Variants in NDST3 observed in about 807,000 individuals in gnomAD.
NDST3 encodes the protein bifunctional heparan sulfate N-deacetylase/N-sulfotransferase 3.
Under a neutral mutation model 96.1 loss-of-function variants are expected in NDST3, and 58 were observed. The observed-to-expected ratio is 0.60, with a 90% confidence interval of 0.49 to 0.75. The LOEUF (loss-of-function observed/expected upper bound fraction) is 0.75. NDST3 is among the 30% of genes least tolerant of loss of function. NDST3 has a pLI of 0.00. For missense variants in NDST3, 788 were observed against 1,034.2 expected (o/e 0.76, Z 3.27); for synonymous variants, 333 against 359.7 (o/e 0.93, Z 0.84).
At chr4:118,071,222 C>T (rs531532732) in intron 2 of NDST3, among the ~76,000 whole-genome samples, 5 of 152,086 alleles carry the variant, frequency 3.3e-5, no homozygotes, top group South Asian at 2.1e-4. Context: ...GATTTATAAT[C>T]GTTGACCTCA....
intron 6 of NDST3, among the ~76,000 whole-genome samples, chr4:118,161,863 C>A (rs558108302): frequency 2.0e-5 from 3 of 152,182 alleles, no homozygotes; most frequent in African/African-American, 7.2e-5. Context: ...TGCTCACACA[C>A]GGTGCACTGC....
At chr4:118,220,157 G>A (rs752673433) in intron 6 of NDST3, among the ~76,000 whole-genome samples, 2 of 151,984 alleles carry the variant, frequency 1.3e-5, no homozygotes, top group Admixed American at 6.6e-5. Flanking sequence ...AAATGAACAC[G>A]TATGTTTACT....
chr4:118,194,686 T>A (rs1242710058), intron 6 of NDST3: 3 of 618,702 alleles, frequency 4.8e-6, no homozygotes, highest in Non-Finnish European at 9.0e-6. Flanking sequence ...GAATGTCCAC[T>A]CCCTCCATGG....
chr4:118,214,168 C>T (rs1398286506), intron 6 of NDST3, among the ~76,000 whole-genome samples: 2 of 152,008 alleles, frequency 1.3e-5, no homozygotes, highest in Non-Finnish European at 2.9e-5. Flanking sequence ...AAACATCTAC[C>T]AATGTATGCT....
intron 6 of NDST3, chr4:118,193,925 T>A (rs935677786): frequency 8.3e-6 from 8 of 962,626 alleles, no homozygotes; most frequent in Non-Finnish European, 1.2e-5. Context: ...AGCTTGCTTG[T>A]ATTTGCCTTC....
chr4:118,040,627 TAGC>T, intron 1 of NDST3, among the ~76,000 whole-genome samples: 1 of 151,964 alleles, frequency 6.6e-6, no homozygotes, highest in African/African-American at 2.4e-5. Flanking sequence ...ATCATCATCA[TAGC>T]AGATAAATTT....
At chr4:118,169,286 GAAGA>G (rs1735767030) in intron 6 of NDST3, among the ~76,000 whole-genome samples, 1 of 152,054 alleles carries the variant, frequency 6.6e-6, no homozygotes, top group African/African-American at 2.4e-5. Flanking sequence ...TTAAAAATAG[GAAGA>G]AAGAGGATTA....
Position 118,242,134 on chromosome 4 carries a change from A to G in NDST3, c.2384A>G (p.Tyr795Cys). 6.3e-7 allele frequency: 1 copy of G among 1,593,886 alleles called. No homozygotes were observed. The highest frequency in any genetic ancestry group is 8.6e-7 in the Non-Finnish European group (1 of 1,163,458). The change falls in exon 12 of 14, where the codon TAC becomes TGC. Residue 795 changes from tyrosine to cysteine, a missense_variant. Around this residue, in one of 3 missense-constraint regions of NDST3, gnomAD observed 490 missense variants for 708.8 expected, o/e 0.69. Transcript: ENST00000296499. ...CTAGGAGTCTTGCCTCATTATAATT[A>G]CTCAGAAGCTTTAACGTAAGTTTAT... ...KFLGVLPHYN[Y>C]SEALTFDSHK...
intron 2 of NDST3, among the ~76,000 whole-genome samples, chr4:118,099,561 A>C (rs1179631727): frequency 1.3e-5 from 2 of 152,076 alleles, no homozygotes; most frequent in African/African-American, 2.4e-5. Flanking sequence ...TAGATAATGC[A>C]GTGCTATGTC....
At chr4:118,051,734 T>C (rs746158979) in intron 1 of NDST3, among the ~76,000 whole-genome samples, 1 of 151,982 alleles carries the variant, frequency 6.6e-6, no homozygotes, top group East Asian at 1.9e-4. Flanking sequence ...CCTGCCAAAA[T>C]AGTCTCTTTA....
intron 6 of NDST3, among the ~76,000 whole-genome samples, chr4:118,163,007 C>T (rs1454407162): frequency 3.3e-5 from 5 of 150,820 alleles, no homozygotes; most frequent in Non-Finnish European, 5.9e-5. Context: ...AAAATGCTCA[C>T]CATCACTGGC....
At chr4:118,143,011 C>T (rs1208043095) in intron 5 of NDST3, among the ~76,000 whole-genome samples, 2 of 152,098 alleles carry the variant, frequency 1.3e-5, no homozygotes, top group African/African-American at 2.4e-5. Flanking sequence ...ATTACTATAG[C>T]CTGCAGTAGT....
intron 2 of NDST3, among the ~76,000 whole-genome samples, chr4:118,059,082 CCTCT>C (rs1452525134): frequency 6.6e-6 from 1 of 152,070 alleles, no homozygotes; most frequent in African/African-American, 2.4e-5. Context: ...TCTCTCCCTT[CCTCT>C]CTCTCTTTGA....
rs756454330 is a variant in NDST3, at chr4:118,209,051, C to G, written c.1540-15440C>G. Among the ~76,000 whole-genome samples the G allele has an allele frequency of 3.9e-4, 60 of 152,026 alleles. 2 individuals are homozygous for G. The highest frequency in any genetic ancestry group is 7.6e-4 in the Non-Finnish European group (52 of 67,996). On this transcript the variant is annotated intron_variant, in intron 6 of 13. Transcript: ENST00000296499. The stretch of plus-strand genomic sequence containing the variant: ...CACATATGAGCCAAAATCAAATTTT[C>G]ATGTAGGTCAATTTTCTGGAAAGTT...
chr4:118,073,306 C>G (rs189054342), intron 2 of NDST3, among the ~76,000 whole-genome samples: 1 of 151,998 alleles, frequency 6.6e-6, no homozygotes. Flanking sequence ...GGTACCAGTT[C>G]TTCTTTCTAT....
intron 6 of NDST3, among the ~76,000 whole-genome samples, chr4:118,222,642 A>G (rs1327174989): frequency 6.6e-6 from 1 of 152,054 alleles, no homozygotes; most frequent in Non-Finnish European, 1.5e-5. Context: ...TTGGAGGCTA[A>G]GTAGGTTTTC....
At position 118,085,769 on chromosome 4, in the gene NDST3, T is replaced by C. The variant is rs555142809; in HGVS notation, c.982-19249T>C. On this transcript the variant is annotated intron_variant, in intron 2 of 13. Coordinates refer to ENST00000296499, the MANE Select transcript of NDST3 (RefSeq NM_004784.3). Reference sequence around the variant, plus strand: ...TTTTAGAGGAAAAAAACATAACAGATACATAACATGGTCTCATGAGAAAAC... The same window carrying C: ...TTTTAGAGGAAAAAAACATAACAGACACATAACATGGTCTCATGAGAAAAC... Among the ~76,000 whole-genome samples, 4 of 152,320 alleles carry C rather than the reference T, an allele frequency of 2.6e-5. No individual in the cohort carries two copies. The South Asian group carries it at 8.3e-4, about 32-fold the overall frequency.
chr4:118,194,315 A>G (rs1451409157), intron 6 of NDST3: 10 of 735,048 alleles, frequency 1.4e-5, no homozygotes. Context: ...TGATTCCGCC[A>G]TCTTCTTCTT....
intron 12 of NDST3, among the ~76,000 whole-genome samples, chr4:118,245,660 T>C (rs1033378713): frequency 1.1e-4 from 16 of 152,192 alleles, no homozygotes; most frequent in African/African-American, 3.6e-4. Context: ...GTTCTCTGGA[T>C]GGCATGAAAG....
Sources: allele counts gnomAD v4.1 joint callset (sites outside exome capture counted in the v4.1 genomes callset), GRCh38; gene constraint gnomAD v4.1.1; regional missense constraint gnomAD v4.1.1; transcripts MANE v1.5; gene names NCBI Gene and HGNC (gene_info 2026-07-23, HGNC 2026-07-21).